TRIOBP: variants seen among roughly 807,000 people sequenced by gnomAD.
TRIOBP encodes the protein TRIO and F-actin binding protein.
TRIOBP carries 169 observed loss-of-function variants against 238.8 expected under a neutral mutation model. The ratio of observed to expected loss-of-function variants is 0.71; its 90% CI spans 0.62 to 0.80. The LOEUF (loss-of-function observed/expected upper bound fraction) is 0.80, where lower values mean the gene tolerates loss of function less well. TRIOBP is among the 30% of genes least tolerant of loss of function. The pLI is 0.00. For missense variants in TRIOBP, 2,838 were observed against 3,122.6 expected (o/e 0.91, Z 2.17); for synonymous variants, 1,150 against 1,274.4 (o/e 0.90, Z 2.08).
Position 37,776,354 on chromosome 22 carries a change from A to G in TRIOBP, c.*2574A>G, listed in dbSNP as rs1034052274. ...TGCTGGTGCAAATGTGCTTTGTTGCACCCACGGCAGGAAACTGACCAGCTT... is the reference window on the plus strand; with the variant it reads ...TGCTGGTGCAAATGTGCTTTGTTGCGCCCACGGCAGGAAACTGACCAGCTT... On this transcript the variant is annotated 3_prime_UTR_variant, in exon 24 of 24. Coordinates refer to ENST00000644935, the MANE Select transcript of TRIOBP (RefSeq NM_001039141.3). The G allele has an allele frequency of 6.6e-6, 1 of 152,164 alleles. No homozygotes were observed. The highest frequency in any genetic ancestry group is 2.4e-5 in the African/African-American group (1 of 41,424). 9.4% of individuals were successfully genotyped at this position (152,164 alleles called of 1,614,324 possible). A position where few individuals can be genotyped will look rare whatever the true frequency, so the allele number is the denominator to read the frequency against.
At chr22:37,710,313 A>G in intron 3 of TRIOBP, 114 bp from the exon 4 acceptor site, 1 of 1,482,312 alleles carries the variant, frequency 6.7e-7, no homozygotes, top group Non-Finnish European at 9.2e-7. Flanking sequence ...TGAGAAGTGC[A>G]GGATCCCCCG....
At chr22:37,745,056 G>T (rs1419563451) in intron 11 of TRIOBP, among the ~76,000 whole-genome samples, 1 of 152,010 alleles carries the variant, frequency 6.6e-6, no homozygotes, top group African/African-American at 2.4e-5. Flanking sequence ...GTAGAGACGG[G>T]GTTTCACCAT....
At chr22:37,769,873 C>T (rs1037448568) in intron 21 of TRIOBP, among the ~76,000 whole-genome samples, 1 of 151,674 alleles carries the variant, frequency 6.6e-6, no homozygotes, top group African/African-American at 2.4e-5. Flanking sequence ...GGATTACAGG[C>T]CTGCACCACC....
chr22:37,701,534 G>C, intron 3 of TRIOBP, 55 bp downstream of exon 3: 1 of 1,308,282 alleles, frequency 7.6e-7, no homozygotes, highest in South Asian at 1.2e-5. Context: ...ATGGGTGAAG[G>C]ACTGGGCCTG....
At chr22:37,700,753 G>T (rs1219585116) in intron 2 of TRIOBP, among the ~76,000 whole-genome samples, 1 of 151,996 alleles carries the variant, frequency 6.6e-6, no homozygotes, top group Non-Finnish European at 1.5e-5. Flanking sequence ...GTGCAATGGC[G>T]CAATCTTGGC....
chr22:37,740,894 G>A lies in TRIOBP; in HGVS notation c.5185-1G>A, dbSNP rs867587113. 2.5e-6 allele frequency: 4 copies of A among 1,571,534 alleles called. No homozygotes were observed. The African/African-American group carries it at 5.4e-5, about 21-fold the overall frequency. Reference sequence around the variant, plus strand: ...GGCCAACACTGGACCCTGTTTGACAGGCAGACAAGAGGCCAGCAGAGGGCA... The same window carrying A: ...GGCCAACACTGGACCCTGTTTGACAAGCAGACAAGAGGCCAGCAGAGGGCA... On this transcript the variant is annotated splice_acceptor_variant, in intron 10 of 23. Coordinates refer to ENST00000644935, the MANE Select transcript of TRIOBP (RefSeq NM_001039141.3). LOFTEE classifies it high-confidence loss of function.
Position 37,772,163 on chromosome 22 carries a change from C to T in TRIOBP, c.6936+427C>T, listed in dbSNP as rs559422637. On this transcript the variant is annotated intron_variant, in intron 22 of 23. Transcript: ENST00000644935. ...CTGAGTCTGCAGCCCGCCTGGCCCA[C>T]CCTTGGCTGCTATGTCACTGCCTGG... 4.6e-5 allele frequency among the ~76,000 whole-genome samples: 7 copies of T among 152,302 alleles called. No individual in the cohort carries two copies. The East Asian group carries it at 1.4e-3, about 29-fold the overall frequency.
In TRIOBP at chr22:37,738,702, C is replaced by A. The variant is rs370224413; in HGVS notation, c.5167C>A (p.Gln1723Lys). The A allele has an allele frequency of 1.8e-4, 295 of 1,613,908 alleles. No homozygotes were observed. The highest frequency in any genetic ancestry group is 2.1e-4 in the Non-Finnish European group (252 of 1,179,952). Residue 1723 changes from glutamine (Q) to lysine (K), a missense_variant, in exon 10 of 24, where the codon CAG becomes AAG. Gln to Lys is a moderately conservative substitution (Grantham distance 53, BLOSUM62 1). This residue lies in a region of TRIOBP where 2,096 missense variants were observed against 2,137.4 expected (regional missense o/e 0.98). Transcript: ENST00000644935. ...PSRGQDPLTD[Q>K]KQADSADKRP... Reference sequence around the variant, plus strand: ...CAGAGGCCAAGACCCCCTGACTGACCAGAAGCAGGCAGACTCGGTAGCTGG... The same window carrying A: ...CAGAGGCCAAGACCCCCTGACTGACAAGAAGCAGGCAGACTCGGTAGCTGG...
In TRIOBP at chr22:37,735,028, C is replaced by T. The variant is rs768443613; in HGVS notation, c.4692C>T (p.Gly1564=). 6 of 1,609,734 alleles carry T rather than the reference C, an allele frequency of 3.7e-6. No individual in the cohort carries two copies. The part of the protein sequence containing the change: ...RPELDWRDLL[G]LLRAPGEGVW... ...AGCTTGACTGGAGGGATCTGCTTGGCCTTCTCCGGGCACCAGGAGAGGGGG... is the reference window on the plus strand; with the variant it reads ...AGCTTGACTGGAGGGATCTGCTTGGTCTTCTCCGGGCACCAGGAGAGGGGG... The change falls in exon 9 of 24, where the codon GGC becomes GGT. Residue 1564 remains glycine, a synonymous_variant. Transcript: ENST00000644935.
intron 6 of TRIOBP, among the ~76,000 whole-genome samples, chr22:37,718,994 C>T (rs1340769308): frequency 6.7e-6 from 1 of 150,304 alleles, no homozygotes; most frequent in Non-Finnish European, 1.5e-5. Flanking sequence ...CTATAGGTGC[C>T]TGCCACCACG....
chr22:37,771,674 G>A lies in TRIOBP; in HGVS notation c.6874G>A (p.Glu2292Lys), dbSNP rs945284342. 6.2e-6 allele frequency: 10 copies of A among 1,614,060 alleles called. No homozygotes were observed. The highest frequency in any genetic ancestry group is 2.2e-5 in the South Asian group (2 of 91,064). ...GGTGCTGCTTCGCGTAAAAGAAAACGAACTCCAGTACCTAAAGAAGGAGGT... is the reference window on the plus strand; with the variant it reads ...GGTGCTGCTTCGCGTAAAAGAAAACAAACTCCAGTACCTAAAGAAGGAGGT... ...LEVLLRVKEN[E>K]LQYLKKEVQC... is the part of the protein sequence containing the mutation. The change falls in exon 22 of 24, where the codon GAA becomes AAA. Residue 2292 changes from glutamate (E) to lysine (K), a missense_variant. By Grantham distance (56) the Glu-to-Lys change is moderately conservative. Coordinates refer to ENST00000644935, the MANE Select transcript of TRIOBP (RefSeq NM_001039141.3).
At chr22:37,746,284 C>T (rs1321004924) in intron 11 of TRIOBP, 6 of 1,078,312 alleles carry the variant, frequency 5.6e-6, no homozygotes, top group South Asian at 8.6e-5. Flanking sequence ...AAGGAAGGGC[C>T]GGAGGCGCGG....
Position 37,724,432 on chromosome 22 carries a change from A to C in TRIOBP, c.1876A>C (p.Thr626Pro), listed in dbSNP as rs775425415. Reference sequence around the variant, plus strand: ...TAGAGCCACACGAGATAACCCCAGAACATCCTGTGCCCAGCGGGACAATCC... The same window carrying C: ...TAGAGCCACACGAGATAACCCCAGACCATCCTGTGCCCAGCGGGACAATCC... Reference protein sequence around the residue: ...PNRATRDNPRTSCAQRDNPRA... With the variant: ...PNRATRDNPRPSCAQRDNPRA... Residue 626 changes from threonine (T) to proline (P), a missense_variant, in exon 7 of 24, where the codon ACA becomes CCA. By Grantham distance (38) the Thr-to-Pro change is conservative. Transcript: ENST00000644935. 1.1e-5 allele frequency: 17 copies of C among 1,611,500 alleles called. No individual in the cohort carries two copies. The highest frequency in any genetic ancestry group is 1.4e-5 in the Non-Finnish European group (16 of 1,179,296).
intron 5 of TRIOBP, among the ~76,000 whole-genome samples, chr22:37,714,925 G>A (rs1317194170): frequency 3.9e-5 from 6 of 152,156 alleles, no homozygotes; most frequent in East Asian, 3.9e-4. Context: ...GCCATGGAGC[G>A]GAGTCTACAC....
intron 14 of TRIOBP, 123 bp downstream of exon 14, chr22:37,755,313 G>C: frequency 9.1e-7 from 1 of 1,103,648 alleles, no homozygotes; most frequent in Non-Finnish European, 1.3e-6. Context: ...TTACCCAGAG[G>C]CCCTATCTTC....
Position 37,740,883 on chromosome 22 carries a change from C to A in TRIOBP, c.5185-12C>A. 1 of 1,567,086 alleles carries A rather than the reference C, an allele frequency of 6.4e-7. No individual in the cohort carries two copies. The highest frequency in any genetic ancestry group is 8.7e-7 in the Non-Finnish European group (1 of 1,155,548). Reference sequence around the variant, plus strand: ...AAGGGACCTGGGGCCAACACTGGACCCTGTTTGACAGGCAGACAAGAGGCC... The same window carrying A: ...AAGGGACCTGGGGCCAACACTGGACACTGTTTGACAGGCAGACAAGAGGCC... On this transcript the variant is annotated splice_polypyrimidine_tract_variant and intron_variant, in intron 10 of 23. Transcript: ENST00000644935.
intron 12 of TRIOBP, among the ~76,000 whole-genome samples, 194 bp downstream of exon 12, chr22:37,752,022 C>A (rs556816541): frequency 1.3e-5 from 2 of 152,250 alleles, no homozygotes; most frequent in South Asian, 4.1e-4. Flanking sequence ...CAGCAAGGGG[C>A]CGTCTAGCCC....
At chr22:37,719,479 G>C (rs1425419442) in intron 6 of TRIOBP, among the ~76,000 whole-genome samples, 1 of 152,088 alleles carries the variant, frequency 6.6e-6, no homozygotes, top group African/African-American at 2.4e-5. Context: ...AGGGAAGCAG[G>C]GGATGGAGAT....
chr22:37,749,033 C>T (rs1452092832), intron 11 of TRIOBP, among the ~76,000 whole-genome samples: 2 of 152,114 alleles, frequency 1.3e-5, no homozygotes, highest in Non-Finnish European at 2.9e-5. Context: ...CCCTGCCATC[C>T]TGAGGCAGCT....
Sources: allele counts gnomAD v4.1 joint callset (sites outside exome capture counted in the v4.1 genomes callset), GRCh38; gene constraint gnomAD v4.1.1; regional missense constraint gnomAD v4.1.1; transcripts MANE v1.5; gene names NCBI Gene and HGNC (gene_info 2026-07-23, HGNC 2026-07-21).